PCNX2: variants seen among roughly 807,000 people sequenced by gnomAD.
The protein encoded by PCNX2 is pecanex 2.
Under a neutral mutation model 223.8 loss-of-function variants are expected in PCNX2, and 168 were observed. The observed-to-expected ratio is 0.75, with a 90% CI of 0.66 to 0.85. PCNX2 has a LOEUF of 0.85. PCNX2 is among the 40% of genes least tolerant of loss of function. The pLI is 0.00. For synonymous variants in PCNX2, 1,006 were observed against 1,052.6 expected (o/e 0.96, Z 0.86); for missense variants, 2,507 against 2,675.5 (o/e 0.94, Z 1.39).
intron 21 of PCNX2, among the ~76,000 whole-genome samples, chr1:233,106,890 A>G (rs1674820924): frequency 6.6e-6 from 1 of 152,150 alleles, no homozygotes; most frequent in Non-Finnish European, 1.5e-5. Flanking sequence ...TCTATTTGTA[A>G]TAACATTTCA....
At chr1:233,244,226 G>A (rs1315222730) in intron 8 of PCNX2, among the ~76,000 whole-genome samples, 1 of 152,178 alleles carries the variant, frequency 6.6e-6, no homozygotes, top group Non-Finnish European at 1.5e-5. Context: ...TAAGCAAGTT[G>A]CATAACGTCA....
intron 10 of PCNX2, among the ~76,000 whole-genome samples, chr1:233,226,561 T>C (rs1452533572): frequency 6.6e-6 from 1 of 152,200 alleles, no homozygotes. Context: ...TGACCCACCA[T>C]GCCCAGCCTC....
rs754402136 is a variant in PCNX2, at chr1:233,258,623, A to G, written c.1239T>C (p.Thr413=). The change falls in exon 5 of 34, where the codon ACT becomes ACC. Residue 413 remains threonine (T), a synonymous_variant. Transcript: ENST00000258229. ...KTSVKSDAEP[T]NPGAAGSPNA... ...TTGGAGAACCGGCCGCCCCTGGGTT[A>G]GTGGGCTCAGCGTCAGACTTTACAC... 1.9e-5 allele frequency: 31 copies of G among 1,613,838 alleles called. No individual in the cohort carries two copies. Among genetic ancestry groups the G allele is most frequent in the Middle Eastern group, 1.6e-4 (1 of 6,082 alleles).
chr1:233,175,754 G>A (rs143184764), intron 17 of PCNX2, among the ~76,000 whole-genome samples: 327 of 152,056 alleles, frequency 2.2e-3, no homozygotes, highest in African/African-American at 7.3e-3. Flanking sequence ...CTTTTAACCT[G>A]CTTTTAAATG....
intron 9 of PCNX2, among the ~76,000 whole-genome samples, chr1:233,230,764 C>T (rs1490252559): frequency 6.6e-6 from 1 of 152,106 alleles, no homozygotes; most frequent in Admixed American, 6.6e-5. Context: ...TCATAATATC[C>T]AGTGTTCATT....
intron 22 of PCNX2, among the ~76,000 whole-genome samples, chr1:233,092,603 G>A (rs537931233): frequency 2.0e-4 from 31 of 152,170 alleles, no homozygotes; most frequent in African/African-American, 7.2e-4. Flanking sequence ...AGCACACTCT[G>A]GGCAAATATG....
intron 13 of PCNX2, among the ~76,000 whole-genome samples, chr1:233,205,034 T>G (rs1357545354): frequency 1.3e-5 from 2 of 152,232 alleles, no homozygotes; most frequent in African/African-American, 4.8e-5. Context: ...TAACAATTAT[T>G]TAAGACATTA....
intron 21 of PCNX2, among the ~76,000 whole-genome samples, chr1:233,121,590 A>G (rs1256327881): frequency 6.6e-6 from 1 of 152,186 alleles, no homozygotes; most frequent in Non-Finnish European, 1.5e-5. Flanking sequence ...ATGGAGTAGA[A>G]GGTTCTAGAA....
intron 8 of PCNX2, among the ~76,000 whole-genome samples, chr1:233,250,222 A>G (rs905510482): frequency 6.6e-6 from 1 of 152,242 alleles, no homozygotes; most frequent in African/African-American, 2.4e-5. Context: ...ACTATTAATC[A>G]TCGTATGTCC....
chr1:233,212,855 G>C (rs1681896782), intron 12 of PCNX2, among the ~76,000 whole-genome samples: 1 of 152,188 alleles, frequency 6.6e-6, no homozygotes, highest in African/African-American at 2.4e-5. Context: ...TCTTAGGATT[G>C]AGTATTGAGA....
At chr1:233,164,956 A>C (rs1048127446) in intron 17 of PCNX2, among the ~76,000 whole-genome samples, 1 of 152,248 alleles carries the variant, frequency 6.6e-6, no homozygotes, top group Admixed American at 6.5e-5. Flanking sequence ...GGTGTTCTAC[A>C]GGATAGTAGG....
At chr1:233,017,913 G>A (rs1167733405) in intron 26 of PCNX2, among the ~76,000 whole-genome samples, 1 of 152,202 alleles carries the variant, frequency 6.6e-6, no homozygotes, top group Non-Finnish European at 1.5e-5. Context: ...AGGCTTTGGT[G>A]GTTCCTAGGC....
chr1:233,255,992 T>G (rs768005072), intron 5 of PCNX2, among the ~76,000 whole-genome samples: 81 of 151,882 alleles, frequency 5.3e-4, no homozygotes, highest in Non-Finnish European at 8.4e-4. Context: ...ATTCACTGTC[T>G]CTTTCTTCAA....
At chr1:233,306,223 C>T in the PCNX2 span, among the ~76,000 whole-genome samples, 1 of 152,136 alleles carries the variant, frequency 6.6e-6, no homozygotes, top group Non-Finnish European at 1.5e-5. Flanking sequence ...TAGTTATAAA[C>T]CTATATGCAC....
intron 12 of PCNX2, among the ~76,000 whole-genome samples, chr1:233,216,348 G>A (rs1203781520): frequency 1.3e-5 from 2 of 152,164 alleles, no homozygotes; most frequent in Admixed American, 6.5e-5. Flanking sequence ...GATCAGCATA[G>A]GTGAGCTCAG....
rs114638962 is a variant in PCNX2 at position 233,284,554 on chromosome 1, A to G, written c.153+10772T>C. The stretch of plus-strand genomic sequence containing the variant: ...ACTGTACAGCACCTGCACTTCCCCT[A>G]TGGTAACAATGATCACTGTGTTATT... On this transcript the variant is annotated intron_variant, in intron 1 of 33. Coordinates refer to ENST00000258229, the MANE Select transcript of PCNX2 (RefSeq NM_014801.4). Among the ~76,000 whole-genome samples, 851 of 152,170 alleles carry G rather than the reference A, an allele frequency of 5.6e-3. 6 individuals carry two copies. Among genetic ancestry groups the G allele is most frequent in the African/African-American group, 0.019 (806 of 41,508 alleles).
chr1:232,986,560 A>G lies in PCNX2; in HGVS notation c.5792-20T>C. 1 of 1,493,644 alleles carries G rather than the reference A, an allele frequency of 6.7e-7. No homozygotes were observed. 92.5% of individuals were successfully genotyped at this position (1,493,644 alleles called of 1,614,324 possible). A position where few individuals can be genotyped will look rare whatever the true frequency, so the allele number is the denominator to read the frequency against. On this transcript the variant is annotated intron_variant, in intron 32 of 33. Transcript: ENST00000258229. ...TCCTGCCTTTAAAAGAAAGCAGAAC[A>G]CAGAGTTGTAGCGGGTGGGTCATGA...
rs1662008672 is a variant in PCNX2, at chr1:233,295,226, C to G, written c.153+100G>C. On this transcript the variant is annotated intron_variant, in intron 1 of 33. Transcript: ENST00000258229. This position sits in a 1 kb window ranked among gnomAD's most constrained non-coding sequence, Gnocchi z 4.1. Reference sequence around the variant, plus strand: ...CCTTTCCGTCTCTTAAGAATCTCTACGAACCCGAAAGCCCGTGAGGCTGAT... The same window carrying G: ...CCTTTCCGTCTCTTAAGAATCTCTAGGAACCCGAAAGCCCGTGAGGCTGAT... 5 of 1,500,288 alleles carry G rather than the reference C, an allele frequency of 3.3e-6. No individual in the cohort carries two copies. The South Asian group carries it at 6.1e-5, about 18-fold the overall frequency. 92.9% of individuals were successfully genotyped at this position (1,500,288 alleles called of 1,614,324 possible). A position where few individuals can be genotyped will look rare whatever the true frequency, so the allele number is the denominator to read the frequency against.
chr1:232,995,355 C>T (rs1304496326), intron 32 of PCNX2, among the ~76,000 whole-genome samples: 2 of 152,164 alleles, frequency 1.3e-5, no homozygotes, highest in Non-Finnish European at 2.9e-5. Context: ...GGTATTTAGC[C>T]AGGCATGCTC....
Sources: gnomAD v4.1 joint callset for allele counts (sites outside exome capture counted in the v4.1 genomes callset) on GRCh38, gnomAD v4.1.1 for gene constraint, Gnocchi (gnomAD v3.1) non-coding constraint, MANE v1.5 for transcripts, NCBI Gene and HGNC (gene_info 2026-07-23, HGNC 2026-07-21) for gene names.